Variants in TTC6 observed in about 807,000 individuals in gnomAD.
TTC6 encodes tetratricopeptide repeat domain 6, also known as tetratricopeptide repeat protein 6.
Under a neutral mutation model 210.4 loss-of-function variants are expected in TTC6, and 172 were observed. That is an observed-to-expected ratio of 0.82 (90% CI 0.72 to 0.93). The LOEUF is 0.93. Ranked by LOEUF, TTC6 falls within the 40% of genes least tolerant of loss-of-function variation. TTC6 has a pLI of 0.00. For synonymous variants in TTC6, 804 were observed against 819.6 expected, an observed-to-expected ratio of 0.98 and a Z score of 0.32; for missense variants, 2,414 against 2,318.1, an observed-to-expected ratio of 1.04 and a Z score of -0.85.
chr14:37,832,709 CTTGTT>C (rs1382768739), intron 29 of TTC6, among the ~76,000 whole-genome samples: 5 of 152,022 alleles, frequency 3.3e-5, no homozygotes, highest in African/African-American at 1.2e-4. Flanking sequence ...TTTGTTGAGA[CTTGTT>C]TTGTGTTTTA....
intron 1 of TTC6, among the ~76,000 whole-genome samples, chr14:37,629,535 A>C (rs2095665845): frequency 6.6e-6 from 1 of 152,188 alleles, no homozygotes; most frequent in Non-Finnish European, 1.5e-5. Flanking sequence ...CTAAATATAC[A>C]ATCATGTCAT....
At chr14:37,813,756 T>G (rs1201173154) in intron 25 of TTC6, among the ~76,000 whole-genome samples, 2 of 152,168 alleles carry the variant, frequency 1.3e-5, no homozygotes, top group Non-Finnish European at 2.9e-5. Context: ...TTCCAGTCTT[T>G]GAGGAGCTGA....
chr14:37,796,928 T>C (rs1447785604), exon 20 of TTC6: 1 of 1,601,634 alleles, frequency 6.2e-7, no homozygotes, highest in South Asian at 1.1e-5. Flanking sequence ...AAAGTTCAAA[T>C]GAAGGCCAAG....
chr14:37,813,126 C>T (rs1463952068), intron 25 of TTC6, among the ~76,000 whole-genome samples: 2 of 152,044 alleles, frequency 1.3e-5, no homozygotes, highest in East Asian at 1.9e-4. Context: ...GGAACTGCAA[C>T]GTAACATTAT....
intron 2 of TTC6, among the ~76,000 whole-genome samples, chr14:37,611,600 C>G (rs1009451119): frequency 6.6e-6 from 1 of 152,058 alleles, no homozygotes; most frequent in African/African-American, 2.4e-5. Flanking sequence ...GATTGAGAAC[C>G]TGGTGGAAGG....
intron 1 of TTC6, among the ~76,000 whole-genome samples, chr14:37,604,386 G>A (rs1281023668): frequency 2.0e-5 from 3 of 152,276 alleles, no homozygotes; most frequent in Admixed American, 6.5e-5. Flanking sequence ...GGAGATGAGA[G>A]GTCTTGAACC....
intron 2 of TTC6, among the ~76,000 whole-genome samples, chr14:37,610,229 G>GC (rs2095632112): frequency 6.6e-6 from 1 of 152,182 alleles, no homozygotes; most frequent in Non-Finnish European, 1.5e-5. Flanking sequence ...CTGTTCAGAG[G>GC]CCCCGCTCTA....
At chr14:37,624,949 C>T (rs2095657761) in intron 1 of TTC6, among the ~76,000 whole-genome samples, 1 of 152,180 alleles carries the variant, frequency 6.6e-6, no homozygotes, top group Middle Eastern at 3.4e-3. Flanking sequence ...TATGGCATTT[C>T]TCCTACATAT....
chr14:37,762,689 T>A (rs1453898667), intron 14 of TTC6, among the ~76,000 whole-genome samples: 1 of 152,162 alleles, frequency 6.6e-6, no homozygotes, highest in Non-Finnish European at 1.5e-5. Flanking sequence ...TCACTTTAAT[T>A]GTTTCCTTTG....
chr14:37,769,189 C>A (rs1410491967), intron 14 of TTC6, among the ~76,000 whole-genome samples: 2 of 151,756 alleles, frequency 1.3e-5, no homozygotes, highest in Admixed American at 1.3e-4. Context: ...TGATGTGCTG[C>A]TGGATTCGTT....
At chr14:37,792,063 T>G (rs544416792) in intron 16 of TTC6, among the ~76,000 whole-genome samples, 1 of 152,292 alleles carries the variant, frequency 6.6e-6, no homozygotes, top group East Asian at 1.9e-4. Flanking sequence ...TTAAAAACAT[T>G]AATTCCTTAC....
chr14:37,795,277 A>C, exon 18 of TTC6: 1 of 1,530,252 alleles, frequency 6.5e-7, no homozygotes, highest in African/African-American at 1.4e-5. Context: ...CAGTTGCATA[A>C]ATTGAAAAAG....
chr14:37,628,929 T>C (rs180985524), intron 1 of TTC6, among the ~76,000 whole-genome samples: 1 of 152,184 alleles, frequency 6.6e-6, no homozygotes, highest in Admixed American at 6.5e-5. Flanking sequence ...ATGTGTGGTG[T>C]TATTTCTGAG....
intron 2 of TTC6, among the ~76,000 whole-genome samples, chr14:37,615,461 A>C (rs1449539515): frequency 6.6e-6 from 1 of 152,056 alleles, no homozygotes; most frequent in Non-Finnish European, 1.5e-5. Context: ...CCTTACAGGG[A>C]TATCAGGCTT....
chr14:37,601,629 G>A (rs1014776462), intron 1 of TTC6, among the ~76,000 whole-genome samples: 6 of 152,194 alleles, frequency 3.9e-5, no homozygotes, highest in African/African-American at 1.2e-4. Flanking sequence ...CTGGCACAGC[G>A]AACAGGGTCT....
chr14:37,790,144 T>C (rs985133214), intron 15 of TTC6, among the ~76,000 whole-genome samples: 1 of 152,148 alleles, frequency 6.6e-6, no homozygotes, highest in African/African-American at 2.4e-5. Flanking sequence ...TAGCTGTCAT[T>C]TGGGATGTGC....
At chr14:37,774,169 A>G (rs562086295) in intron 14 of TTC6, among the ~76,000 whole-genome samples, 25 of 152,224 alleles carry the variant, frequency 1.6e-4, no homozygotes, top group East Asian at 1.9e-4. Flanking sequence ...GGCAGAAACT[A>G]TGGGGGTTTT....
rs146769180 is a variant in TTC6 at position 37,675,353 on chromosome 14, A to G, written c.940-4798A>G. 6.6e-3 allele frequency among the ~76,000 whole-genome samples: 1,001 copies of G among 152,206 alleles called. 7 individuals carry two copies. Among genetic ancestry groups the G allele is most frequent in the African/African-American group, 0.021 (859 of 41,552 alleles). On this transcript the variant is annotated intron_variant, in intron 1 of 30. Coordinates refer to ENST00000553443, the Ensembl canonical transcript of TTC6. The stretch of plus-strand genomic sequence containing the variant: ...GACCTGTGGTGTCTAGCTTCTTTCA[A>G]TTAGTGTAATGTTTTCAAGATTCAT...
intron 14 of TTC6, among the ~76,000 whole-genome samples, chr14:37,775,223 A>G (rs894392441): frequency 1.8e-4 from 27 of 151,994 alleles, no homozygotes; most frequent in Admixed American, 1.2e-3. Flanking sequence ...TCACATCTCA[A>G]TTTCCTTCAG....
Sources: allele counts gnomAD v4.1 joint callset (sites outside exome capture counted in the v4.1 genomes callset), GRCh38; gene constraint gnomAD v4.1.1; transcripts MANE v1.5; gene names NCBI Gene and HGNC (gene_info 2026-07-23, HGNC 2026-07-21).